SPICE1: variants seen among roughly 807,000 people sequenced by gnomAD.
The protein encoded by SPICE1 is spindle and centriole associated protein 1.
A neutral mutation model predicts 102.7 loss-of-function variants in SPICE1; 75 were observed. That is an observed-to-expected ratio of 0.73 (90% CI 0.61 to 0.88). The LOEUF (loss-of-function observed/expected upper bound fraction) is 0.88, where lower values mean the gene tolerates loss of function less well. SPICE1 is among the 40% of genes least tolerant of loss of function. The probability of loss-of-function intolerance (pLI) is 0.00; values close to 1 mark genes in which losing one functional copy is unlikely to be tolerated. For missense variants in SPICE1, 979 were observed against 1,020.1 expected (o/e 0.96, Z 0.55); for synonymous variants, 308 against 350.3 (o/e 0.88, Z 1.35).
At chr3:113,492,214 A>T (rs1936782035) in intron 6 of SPICE1, among the ~76,000 whole-genome samples, 1 of 152,196 alleles carries the variant, frequency 6.6e-6, no homozygotes, top group African/African-American at 2.4e-5. Flanking sequence ...AAATATGTGT[A>T]ACATTTTACT....
chr3:113,502,913 T>C (rs1483426915), intron 3 of SPICE1, among the ~76,000 whole-genome samples: 1 of 151,700 alleles, frequency 6.6e-6, no homozygotes, highest in Non-Finnish European at 1.5e-5. Context: ...GGCAGATAGA[T>C]AGATATATAT....
At chr3:113,472,898 C>A (rs141525504) in intron 7 of SPICE1, among the ~76,000 whole-genome samples, 1 of 152,184 alleles carries the variant, frequency 6.6e-6, no homozygotes, top group Non-Finnish European at 1.5e-5. Context: ...TCCAAAGGAA[C>A]GCAGTTCCTC....
chr3:113,486,741 C>T (rs897151027), intron 7 of SPICE1, among the ~76,000 whole-genome samples: 1 of 151,338 alleles, frequency 6.6e-6, no homozygotes, highest in African/African-American at 2.4e-5. Flanking sequence ...ATCTATGTAC[C>T]TCATGAACAT....
intron 10 of SPICE1, among the ~76,000 whole-genome samples, chr3:113,466,784 G>A (rs758338318): frequency 3.3e-5 from 5 of 152,164 alleles, no homozygotes; most frequent in Admixed American, 1.3e-4. Context: ...AGAGGCTCAC[G>A]CCTATAATAC....
intron 7 of SPICE1, among the ~76,000 whole-genome samples, chr3:113,476,922 A>G (rs1015811024): frequency 1.3e-5 from 2 of 152,266 alleles, no homozygotes; most frequent in African/African-American, 4.8e-5. Context: ...AACAAAGCCA[A>G]AATTGACAAA....
At chr3:113,462,818 T>C (rs188418861) in intron 11 of SPICE1, among the ~76,000 whole-genome samples, 1 of 152,034 alleles carries the variant, frequency 6.6e-6, no homozygotes, top group Non-Finnish European at 1.5e-5. Flanking sequence ...AGAGTGATCC[T>C]CTTAAACCCA....
At chr3:113,485,383 G>A (rs562519648) in intron 7 of SPICE1, among the ~76,000 whole-genome samples, 4 of 152,114 alleles carry the variant, frequency 2.6e-5, no homozygotes, top group Non-Finnish European at 5.9e-5. Context: ...TGGGACGCTC[G>A]AGCTTGGTGG....
intron 10 of SPICE1, among the ~76,000 whole-genome samples, chr3:113,466,207 G>A (rs900102213): frequency 5.9e-5 from 9 of 152,158 alleles, no homozygotes; most frequent in Non-Finnish European, 1.3e-4. Context: ...TTCATAATAT[G>A]TGACTATATT....
chr3:113,492,355 T>C (rs1456658102), intron 6 of SPICE1, among the ~76,000 whole-genome samples: 1 of 152,154 alleles, frequency 6.6e-6, no homozygotes, highest in Non-Finnish European at 1.5e-5. Context: ...ACTTAGGAAA[T>C]TTCATTAAAC....
At chr3:113,456,610 G>A (rs1370581153) in intron 13 of SPICE1, among the ~76,000 whole-genome samples, 1 of 152,130 alleles carries the variant, frequency 6.6e-6, no homozygotes, top group African/African-American at 2.4e-5. Flanking sequence ...CTCTACCTGT[G>A]AGCTGCAAGA....
intron 4 of SPICE1, among the ~76,000 whole-genome samples, chr3:113,497,595 C>A (rs1384562990): frequency 6.6e-6 from 1 of 151,856 alleles, no homozygotes; most frequent in Non-Finnish European, 1.5e-5. Flanking sequence ...CTAAAAAACA[C>A]CTACATGGGG....
intron 15 of SPICE1, 108 bp downstream of exon 15, chr3:113,450,228 C>T: frequency 7.4e-7 from 1 of 1,352,626 alleles, no homozygotes; most frequent in Non-Finnish European, 1.0e-6. Flanking sequence ...ATTGAAGGCA[C>T]CAAAATATAT....
rs764486441 is a variant in SPICE1 at position 113,465,774 on chromosome 3, T to C, written c.1166A>G (p.Gln389Arg). The stretch of plus-strand genomic sequence containing the variant: ...CCTTGTCTCTACTTCTTTACGTAGC[T>C]GGATCTCACTCTACAAAAAAATATC... ...LVRYLKESEIQLRKEVETRQQ... is the reference protein window; with the variant it reads ...LVRYLKESEIRLRKEVETRQQ... The change falls in exon 11 of 18, where the codon CAG (glutamine) becomes CGG (arginine). Residue 389 changes from glutamine (Q) to arginine (R), a missense_variant. Transcript: ENST00000295872. 6.2e-7 allele frequency: 1 copy of C among 1,612,376 alleles called. No individual in the cohort carries two copies. The highest frequency in any genetic ancestry group is 8.5e-7 in the Non-Finnish European group (1 of 1,179,534).
chr3:113,450,310 T>C (rs375648104), intron 15 of SPICE1, 26 bp downstream of exon 15: 18 of 1,613,152 alleles, frequency 1.1e-5, no homozygotes, highest in East Asian at 2.2e-5. Flanking sequence ...TATTTCTAGT[T>C]TTTAAATCAT....
intron 7 of SPICE1, among the ~76,000 whole-genome samples, chr3:113,472,974 G>A (rs540523620): frequency 1.4e-3 from 219 of 152,248 alleles, no homozygotes; most frequent in African/African-American, 4.6e-3. Flanking sequence ...GGCTTCAGAC[G>A]ATCAAACTAC....
Position 113,444,996 on chromosome 3 carries a change from C to T in SPICE1, c.*311G>A, listed in dbSNP as rs1935478624. 1 of 183,218 alleles carries T rather than the reference C, an allele frequency of 5.5e-6. No individual in the cohort carries two copies. Among genetic ancestry groups the T allele is most frequent in the African/African-American group, 2.4e-5 (1 of 42,452 alleles). The allele number at this position is 183,218 out of a possible 1,614,324, so 11.3% of individuals were successfully genotyped here. A position where few individuals can be genotyped will look rare whatever the true frequency, so the allele number is the denominator to read the frequency against. ...AAGATATACTAAACCTCAAAAAACC[C>T]TGAATAAAGATAAAGGTAAAAATGT... On this transcript the variant is annotated 3_prime_UTR_variant, in exon 18 of 18. Transcript: ENST00000295872.
chr3:113,513,425 C>A (rs1172355531), intron 1 of SPICE1, among the ~76,000 whole-genome samples: 1 of 151,942 alleles, frequency 6.6e-6, no homozygotes. Flanking sequence ...AATAAACAAA[C>A]AAAAACAAAA....
intron 16 of SPICE1, 127 bp downstream of exon 16, chr3:113,447,911 T>C: frequency 1.3e-6 from 1 of 742,370 alleles, no homozygotes; most frequent in South Asian, 3.3e-5. Flanking sequence ...TATTTTACTC[T>C]CTTTGCATGA....
intron 2 of SPICE1, among the ~76,000 whole-genome samples, chr3:113,506,019 T>C (rs1372163228): frequency 6.6e-6 from 1 of 152,222 alleles, no homozygotes; most frequent in South Asian, 2.1e-4. Flanking sequence ...AGAACATTTG[T>C]TCTGAAACCG....
Sources: allele counts gnomAD v4.1 joint callset (sites outside exome capture counted in the v4.1 genomes callset), GRCh38; gene constraint gnomAD v4.1.1; transcripts MANE v1.5; gene names NCBI Gene and HGNC (gene_info 2026-07-23, HGNC 2026-07-21).